SETBP1: variants seen among roughly 807,000 people sequenced by gnomAD.
The protein encoded by SETBP1 is SET binding protein 1.
Under a neutral mutation model 101.0 loss-of-function variants are expected in SETBP1, and 9 were observed. The observed-to-expected ratio is 0.09, with a 90% CI of 0.05 to 0.16. The LOEUF (loss-of-function observed/expected upper bound fraction) is 0.16, where lower values mean the gene tolerates loss of function less well. Among genes scored for constraint, SETBP1 ranks in the 10% least tolerant of loss-of-function variants. The pLI is 1.00. For missense variants in SETBP1, 1,858 were observed against 2,033.8 expected, an observed-to-expected ratio of 0.91 and a Z score of 1.66; for synonymous variants, 818 against 788.5, an observed-to-expected ratio of 1.04 and a Z score of -0.63.
chr18:44,893,822 A>G (rs911234545), intron 3 of SETBP1, among the ~76,000 whole-genome samples: 8 of 152,152 alleles, frequency 5.3e-5, no homozygotes, highest in Non-Finnish European at 1.2e-4. Flanking sequence ...GCACACAAAA[A>G]TACCTATTTG....
Position 44,808,030 on chromosome 18 carries a change from A to G in SETBP1, c.487-61200A>G, listed in dbSNP as rs143636472. 6.4e-3 allele frequency among the ~76,000 whole-genome samples: 974 copies of G among 152,310 alleles called. 10 individuals carry two copies. Among genetic ancestry groups the G allele is most frequent in the African/African-American group, 0.022 (927 of 41,576 alleles). The stretch of plus-strand genomic sequence containing the variant: ...TGGCTCTTAGAAAGGTTTTCTGGTG[A>G]CAGAATGGAAACTAGATTGGAGGTG... On this transcript the variant is annotated intron_variant, in intron 2 of 5. Coordinates refer to ENST00000649279, the MANE Select transcript of SETBP1 (RefSeq NM_015559.3).
intron 2 of SETBP1, among the ~76,000 whole-genome samples, chr18:44,809,854 ACT>A (rs1350359605): frequency 4.6e-5 from 7 of 152,002 alleles, no homozygotes; most frequent in Non-Finnish European, 1.0e-4. Context: ...AGGTTGAAAC[ACT>A]CAGAATAACC....
chr18:44,751,388 T>C (rs1568125009), intron 2 of SETBP1, among the ~76,000 whole-genome samples: 1 of 152,184 alleles, frequency 6.6e-6, no homozygotes, highest in Non-Finnish European at 1.5e-5. Flanking sequence ...AGAAAGTAGA[T>C]GAGAGAGGTT....
intron 2 of SETBP1, among the ~76,000 whole-genome samples, chr18:44,711,245 C>T (rs1342147617): frequency 7.4e-6 from 1 of 135,580 alleles, no homozygotes; most frequent in Non-Finnish European, 1.6e-5. Context: ...CCCTCCCCTA[C>T]TCCTCCCGCC....
At chr18:44,965,636 T>C (rs2071705955) in intron 4 of SETBP1, among the ~76,000 whole-genome samples, 1 of 152,158 alleles carries the variant, frequency 6.6e-6, no homozygotes, top group Non-Finnish European at 1.5e-5. Flanking sequence ...GAAAACAAAA[T>C]TTTCCAGGAG....
chr18:45,053,558 A>T (rs147132035), intron 5 of SETBP1, among the ~76,000 whole-genome samples: 10 of 152,354 alleles, frequency 6.6e-5, no homozygotes, highest in South Asian at 2.1e-4. Context: ...GTTTTCCATC[A>T]GATTGCCAAG....
At chr18:44,949,007 T>A (rs2071274581) in intron 3 of SETBP1, among the ~76,000 whole-genome samples, 1 of 152,218 alleles carries the variant, frequency 6.6e-6, no homozygotes. Flanking sequence ...CTGACACATT[T>A]GTCTAGTAGA....
At chr18:44,774,948 A>G (rs1157904034) in intron 2 of SETBP1, among the ~76,000 whole-genome samples, 1 of 151,736 alleles carries the variant, frequency 6.6e-6, no homozygotes, top group Non-Finnish European at 1.5e-5. Context: ...GAGCACTTCA[A>G]ATTTGATATA....
intron 3 of SETBP1, among the ~76,000 whole-genome samples, chr18:44,924,206 G>A (rs895988533): frequency 3.3e-5 from 5 of 152,142 alleles, no homozygotes; most frequent in Admixed American, 2.6e-4. Flanking sequence ...AATGATGCCA[G>A]GTTGGGGGTT....
intron 1 of SETBP1, among the ~76,000 whole-genome samples, chr18:44,692,339 G>A (rs779936979): frequency 1.3e-5 from 2 of 152,178 alleles, no homozygotes; most frequent in Non-Finnish European, 2.9e-5. Flanking sequence ...ATTTCCAAAT[G>A]AGACTTGAAA....
chr18:45,031,163 T>C (rs1476138541), intron 4 of SETBP1, among the ~76,000 whole-genome samples: 3 of 152,190 alleles, frequency 2.0e-5, no homozygotes, highest in Non-Finnish European at 2.9e-5. Context: ...ATCATATCTC[T>C]TTTTCACTAA....
chr18:44,683,601 A>G (rs1021403190), intron 1 of SETBP1, among the ~76,000 whole-genome samples: 2 of 152,202 alleles, frequency 1.3e-5, no homozygotes, highest in African/African-American at 2.4e-5. Flanking sequence ...TTGTACTTCA[A>G]TCTCTGCTCC....
At chr18:44,823,410 A>G (rs1310959717) in intron 2 of SETBP1, among the ~76,000 whole-genome samples, 1 of 152,250 alleles carries the variant, frequency 6.6e-6, no homozygotes, top group Non-Finnish European at 1.5e-5. Context: ...CTCTGCTCTA[A>G]CAATAAGCAG....
At chr18:44,688,170 A>G (rs1342306767) in intron 1 of SETBP1, among the ~76,000 whole-genome samples, 1 of 152,220 alleles carries the variant, frequency 6.6e-6, no homozygotes, top group Non-Finnish European at 1.5e-5. Context: ...AGGATTTGGG[A>G]TGAAAAAGGA....
intron 4 of SETBP1, among the ~76,000 whole-genome samples, chr18:45,005,831 A>T (rs2072712911): frequency 2.0e-5 from 3 of 150,530 alleles, no homozygotes; most frequent in South Asian, 2.1e-4. Flanking sequence ...TATTTTTAGT[A>T]GAGACGGGGT....
chr18:44,802,065 C>A (rs1457300510), intron 2 of SETBP1, among the ~76,000 whole-genome samples: 1 of 152,184 alleles, frequency 6.6e-6, no homozygotes, highest in African/African-American at 2.4e-5. Context: ...TCCTTTCTTG[C>A]TCTCCTCTGC....
intron 2 of SETBP1, among the ~76,000 whole-genome samples, chr18:44,709,906 T>A (rs1473027044): frequency 6.6e-6 from 1 of 151,790 alleles, no homozygotes; most frequent in Non-Finnish European, 1.5e-5. Flanking sequence ...TGTGGTCATT[T>A]ATCTGCCAAA....
chr18:44,881,358 C>T (rs1358240703), intron 3 of SETBP1, among the ~76,000 whole-genome samples: 4 of 151,998 alleles, frequency 2.6e-5, no homozygotes, highest in South Asian at 2.1e-4. Flanking sequence ...TAAGAGGAGA[C>T]GGGAGGGTGC....
chr18:44,806,379 T>C (rs549214209), intron 2 of SETBP1, among the ~76,000 whole-genome samples: 79 of 152,252 alleles, frequency 5.2e-4, no homozygotes, highest in Middle Eastern at 3.4e-3. Context: ...TTCTTCTGTG[T>C]AATATTTTCT....
Sources: allele counts gnomAD v4.1 joint callset (sites outside exome capture counted in the v4.1 genomes callset), GRCh38; gene constraint gnomAD v4.1.1; transcripts MANE v1.5; gene names NCBI Gene and HGNC (gene_info 2026-07-23, HGNC 2026-07-21).